The following BBS2 variants were observed in gnomAD, a reference collection of about 807,000 sequenced individuals.
BBS2 encodes the protein Bardet-Biedl syndrome 2.
In BBS2, 62 loss-of-function variants were observed where a neutral mutation model predicts 83.0. That is an observed-to-expected ratio of 0.75 (90% confidence interval 0.61 to 0.92). The LOEUF (loss-of-function observed/expected upper bound fraction) is 0.92. Ranked by LOEUF, BBS2 falls within the 40% of genes least tolerant of loss-of-function variation. BBS2 has a pLI of 0.00. For synonymous variants in BBS2, 303 were observed against 326.1 expected (o/e 0.93, Z 0.76); for missense variants, 784 against 901.0 (o/e 0.87, Z 1.66).
chr16:56,511,256 A>G lies in BBS2; in HGVS notation c.374T>C (p.Leu125Pro), dbSNP rs2144181949. Residue 125 changes from leucine to proline, a missense_variant, in exon 3 of 17, where the codon CTG (leucine) becomes CCG (proline). Transcript: ENST00000245157. The part of the protein sequence containing the change: ...EVADGANAIV[L>P]GTLGDISSPL... ...GGAAGAAATGTCTCCCAATGTCCCC[A>G]GCACAATTGCATTTGCCCCATCTGC... 1 of 1,614,166 alleles carries G rather than the reference A, an allele frequency of 6.2e-7. No individual in the cohort carries two copies. Among genetic ancestry groups the G allele is most frequent in the Non-Finnish European group, 8.5e-7 (1 of 1,180,016 alleles).
intron 1 of BBS2, among the ~76,000 whole-genome samples, chr16:56,516,337 G>T (rs1222514631): frequency 2.0e-5 from 3 of 152,152 alleles, no homozygotes; most frequent in African/African-American, 7.2e-5. Context: ...GCATTACCAT[G>T]AGAGAAAAAA....
intron 15 of BBS2, among the ~76,000 whole-genome samples, chr16:56,488,834 C>A (rs57216893): frequency 0.013 from 2,004 of 152,234 alleles, 42 homozygotes; most frequent in African/African-American, 0.046. Context: ...AGCCATAAAC[C>A]AATCAATAGC....
chr16:56,507,844 T>C (rs1481924948), intron 5 of BBS2, among the ~76,000 whole-genome samples: 2 of 152,112 alleles, frequency 1.3e-5, no homozygotes, highest in African/African-American at 2.4e-5. Context: ...GGCAGGTGCC[T>C]GTAATCCCAG....
Position 56,505,277 on chromosome 16 carries a change from C to T in BBS2, c.804+673G>A, listed in dbSNP as rs116178741. On this transcript the variant is annotated intron_variant, in intron 7 of 16. Transcript: ENST00000245157. ...TTTTTAGAATCCGTTCTTCACGTAACACCAAAGGAATGCTTACAAGGTGCT... is the reference window on the plus strand; with the variant it reads ...TTTTTAGAATCCGTTCTTCACGTAATACCAAAGGAATGCTTACAAGGTGCT... 7.1e-3 allele frequency among the ~76,000 whole-genome samples: 1,080 copies of T among 152,284 alleles called. 13 individuals are homozygous for T. The highest frequency in any genetic ancestry group is 0.025 in the African/African-American group (1,023 of 41,556).
intron 2 of BBS2, among the ~76,000 whole-genome samples, chr16:56,511,756 G>A (rs757912242): frequency 5.3e-5 from 8 of 152,120 alleles, no homozygotes; most frequent in Non-Finnish European, 1.0e-4. Flanking sequence ...GACTAATACA[G>A]TCCTAAACTC....
chr16:56,495,509 C>G (rs140843961), intron 15 of BBS2, among the ~76,000 whole-genome samples: 1 of 152,072 alleles, frequency 6.6e-6, no homozygotes, highest in African/African-American at 2.4e-5. Context: ...AATGGCACCC[C>G]ACAGGAGAAG....
chr16:56,474,572 A>C (rs1462578917), intron 17 of BBS2, among the ~76,000 whole-genome samples: 1 of 152,054 alleles, frequency 6.6e-6, no homozygotes, highest in Non-Finnish European at 1.5e-5. Flanking sequence ...TGCCCACCTC[A>C]GCCTCCCAAA....
intron 2 of BBS2, 72 bp downstream of exon 2, chr16:56,514,381 G>T: frequency 1.5e-6 from 2 of 1,375,190 alleles, no homozygotes; most frequent in Non-Finnish European, 2.1e-6. Context: ...TAAATGATCT[G>T]ATCTCTTCTA....
chr16:56,511,050 T>C (rs1287367681), intron 3 of BBS2, 109 bp downstream of exon 3: 2 of 1,573,632 alleles, frequency 1.3e-6, no homozygotes. Flanking sequence ...TATCCTTTTT[T>C]AATGCACAGA....
chr16:56,514,414 G>C (rs1423810527), intron 2 of BBS2, 39 bp downstream of exon 2: 1 of 1,559,930 alleles, frequency 6.4e-7, no homozygotes. Flanking sequence ...GGACATTAAT[G>C]AGTAATGACA....
rs767373822 is a variant in BBS2, at chr16:56,510,871, A to T, written c.522T>A (p.Asp174Glu). The change falls in exon 4 of 17, where the codon GAT becomes GAA. Residue 174 changes from aspartate (D) to glutamate (E), a missense_variant. Asp to Glu is a conservative substitution (Grantham distance 45, BLOSUM62 2). Transcript: ENST00000245157. Reference protein sequence around the residue: ...NSLALCDFDGDGKKELLVGSE... With the variant: ...NSLALCDFDGEGKKELLVGSE... ...CTCCCCCACATACCTCTTTCTTTCC[A>T]TCACCATCAAAGTCACACAAGGCCA... is the stretch of plus-strand genomic sequence containing the variant. 19 of 1,614,048 alleles carry T rather than the reference A, an allele frequency of 1.2e-5. No homozygotes were observed. The highest frequency in any genetic ancestry group is 5.0e-5 in the Admixed American group (3 of 59,996).
At chr16:56,514,394 C>A (rs1412779834) in intron 2 of BBS2, 59 bp downstream of exon 2, 6 of 1,462,700 alleles carry the variant, frequency 4.1e-6, no homozygotes, top group Non-Finnish European at 3.8e-6. Context: ...CTCTTCTAAG[C>A]ATAAAAAATG....
chr16:56,495,234 CAGAATT>C (rs1482677032), intron 15 of BBS2, among the ~76,000 whole-genome samples: 11 of 152,088 alleles, frequency 7.2e-5, no homozygotes, highest in African/African-American at 2.4e-4. Flanking sequence ...AAAAGAATAA[CAGAATT>C]AGAATATCAC....
rs777972305 is a variant in BBS2, at chr16:56,511,203, C to T, written c.427G>A (p.Ala143Thr). 6.2e-7 allele frequency: 1 copy of T among 1,614,136 alleles called. No individual in the cohort carries two copies. Among genetic ancestry groups the T allele is most frequent in the South Asian group, 1.1e-5 (1 of 91,084 alleles). Reference sequence around the variant, plus strand: ...CCTTCATGATTGAAACCTTGCAGAGCACAATTGCCACCAATAATCGCAAGA... The same window carrying T: ...CCTTCATGATTGAAACCTTGCAGAGTACAATTGCCACCAATAATCGCAAGA... Reference protein sequence around the residue: ...SPLAIIGGNCALQGFNHEGSD... With the variant: ...SPLAIIGGNCTLQGFNHEGSD... The change falls in exon 3 of 17, where the codon GCT (alanine) becomes ACT (threonine). Residue 143 changes from alanine to threonine, a missense_variant. By Grantham distance (58) the Ala-to-Thr change is moderately conservative (BLOSUM62 0). Transcript: ENST00000245157.
At chr16:56,497,352 A>T (rs1964143735) in intron 14 of BBS2, 1 of 528,412 alleles carries the variant, frequency 1.9e-6, no homozygotes. Context: ...AGGGATTTGC[A>T]GTGGGAATAT....
At chr16:56,511,673 C>T (rs1262650518) in intron 2 of BBS2, among the ~76,000 whole-genome samples, 1 of 152,168 alleles carries the variant, frequency 6.6e-6, no homozygotes, top group Non-Finnish European at 1.5e-5. Context: ...CTGCATAAGC[C>T]AATTCCTGAA....
chr16:56,480,404 C>T (rs563496273), downstream of BBS2, among the ~76,000 whole-genome samples: 3 of 143,760 alleles, frequency 2.1e-5, no homozygotes, highest in African/African-American at 8.0e-5. Context: ...TCTCCCAGAC[C>T]AGTATTTTTT....
intron 1 of BBS2, among the ~76,000 whole-genome samples, chr16:56,519,330 C>CAAAA (rs35141671): frequency 3.6e-5 from 2 of 55,704 alleles, no homozygotes; most frequent in South Asian, 6.5e-4. Flanking sequence ...GACTCCGTCT[C>CAAAA]AAAAAAAAAA....
intron 15 of BBS2, among the ~76,000 whole-genome samples, chr16:56,487,102 T>C (rs1349928321): frequency 6.6e-6 from 1 of 152,068 alleles, no homozygotes; most frequent in African/African-American, 2.4e-5. Context: ...AGTAGCAACA[T>C]GATTACATAA....
Sources: gnomAD v4.1 joint callset for allele counts (sites outside exome capture counted in the v4.1 genomes callset) on GRCh38, gnomAD v4.1.1 for gene constraint, MANE v1.5 for transcripts, NCBI Gene and HGNC (gene_info 2026-07-23, HGNC 2026-07-21) for gene names.